The following NAV2 variants were observed in gnomAD, a reference collection of about 807,000 sequenced individuals.
NAV2 encodes the protein neuron navigator 2, also known as helicase, APC down-regulated 1.
In NAV2, 54 loss-of-function variants were observed where a neutral mutation model predicts 223.2. The observed-to-expected ratio is 0.24, with a 90% CI of 0.19 to 0.30. The LOEUF is 0.30. Ranked by LOEUF, NAV2 falls within the 10% of genes least tolerant of loss-of-function variation. The pLI, the probability that NAV2 is intolerant of heterozygous loss-of-function variation, is 1.00. For synonymous variants in NAV2, 1,279 were observed against 1,239.3 expected (o/e 1.03, Z -0.67); for missense variants, 2,806 against 3,147.5 (o/e 0.89, Z 2.60).
chr11:19,664,077 C>T (rs187608591), intron 1 of NAV2, among the ~76,000 whole-genome samples: 2 of 152,340 alleles, frequency 1.3e-5, no homozygotes, highest in East Asian at 1.9e-4. Flanking sequence ...TTTCTTCCCT[C>T]TCAAAGGGTG....
In NAV2 at chr11:19,712,858, C is replaced by A. The variant is rs1365304413; in HGVS notation, c.-838C>A. On this transcript the variant is annotated 5_prime_UTR_variant, in exon 1 of 38. Coordinates refer to ENST00000349880, the MANE Select transcript of NAV2 (RefSeq NM_145117.5). ...GCCTGTCCTCCCCTGCGCTGAGCCC[C>A]GCAGCCAGCGCAGCCTTCCCGGGAA... 1.3e-4 allele frequency among the ~76,000 whole-genome samples: 20 copies of A among 151,136 alleles called. No individual in the cohort carries two copies. Among genetic ancestry groups the A allele is most frequent in the Admixed American group, 1.3e-3 (20 of 15,148 alleles).
intron 1 of NAV2, among the ~76,000 whole-genome samples, chr11:19,459,206 CG>C (rs1192301116): frequency 6.6e-6 from 1 of 152,020 alleles, no homozygotes; most frequent in Non-Finnish European, 1.5e-5. Context: ...TTGAATTGAC[CG>C]GGGGTAGCTG....
rs139612023 is a variant in NAV2, at chr11:19,803,588, G to A, written c.268-28896G>A. 9.3e-3 allele frequency among the ~76,000 whole-genome samples: 1,410 copies of A among 152,352 alleles called. 10 individuals carry two copies. The highest frequency in any genetic ancestry group is 0.013 in the African/African-American group (530 of 41,582). ...TCCCTGCCTCAAAGGATATTGTGAG[G>A]CTTCATTGAGATGCTGCATATAATT... is the stretch of plus-strand genomic sequence containing the variant. On this transcript the variant is annotated intron_variant, in intron 1 of 37. Coordinates refer to ENST00000349880, the MANE Select transcript of NAV2 (RefSeq NM_145117.5).
At chr11:19,350,160 C>T (rs1228556793), upstream of NAV2, among the ~76,000 whole-genome samples, 8 of 152,108 alleles carry the variant, frequency 5.3e-5, no homozygotes, top group Admixed American at 2.6e-4. Flanking sequence ...TTTCCAGCTC[C>T]GGTGTGCTTA....
At chr11:20,050,412 T>C (rs948931378) in intron 16 of NAV2, among the ~76,000 whole-genome samples, 1 of 152,100 alleles carries the variant, frequency 6.6e-6, no homozygotes, top group Non-Finnish European at 1.5e-5. Context: ...TTTCCTGCGA[T>C]GATAATGAAA....
chr11:19,803,965 G>A (rs2058411826), intron 1 of NAV2, among the ~76,000 whole-genome samples: 1 of 152,208 alleles, frequency 6.6e-6, no homozygotes, highest in Non-Finnish European at 1.5e-5. Context: ...AAGGGGTGTG[G>A]CTAGGATTAA....
chr11:19,710,224 A>T (rs1367352182), upstream of NAV2, among the ~76,000 whole-genome samples: 1 of 152,182 alleles, frequency 6.6e-6, no homozygotes, highest in Non-Finnish European at 1.5e-5. Flanking sequence ...GCACTCTGAG[A>T]TCCTTTTCAG....
At chr11:19,920,197 C>G (rs1565560739) in intron 6 of NAV2, among the ~76,000 whole-genome samples, 1 of 152,200 alleles carries the variant, frequency 6.6e-6, no homozygotes. Context: ...TTAGCCATGA[C>G]TTGGGCAAGT....
intron 3 of NAV2, among the ~76,000 whole-genome samples, chr11:19,858,584 T>C (rs2061515158): frequency 6.6e-6 from 1 of 152,230 alleles, no homozygotes; most frequent in African/African-American, 2.4e-5. Context: ...ATGGGAGTTC[T>C]TATGGTAGTT....
chr11:19,649,067 A>G (rs7943426), intron 1 of NAV2, among the ~76,000 whole-genome samples: 2,605 of 152,294 alleles, frequency 0.017, 68 homozygotes, highest in African/African-American at 0.06. Flanking sequence ...ATAGTATTCT[A>G]TCATGTGTAC....
chr11:20,065,744 C>T (rs949832285), intron 20 of NAV2, among the ~76,000 whole-genome samples: 17 of 152,178 alleles, frequency 1.1e-4, no homozygotes, highest in African/African-American at 3.6e-4. Flanking sequence ...TAGGGCCTGT[C>T]GATAGAAGTG....
At chr11:19,920,480 G>T (rs981412034) in intron 6 of NAV2, among the ~76,000 whole-genome samples, 3 of 151,948 alleles carry the variant, frequency 2.0e-5, no homozygotes, top group South Asian at 4.2e-4. Flanking sequence ...GTCAGGACGG[G>T]GTTTCACCAT....
At chr11:20,080,008 G>A in intron 24 of NAV2, 56 bp from the exon 25 acceptor site, 2 of 1,593,006 alleles carry the variant, frequency 1.3e-6, no homozygotes, top group East Asian at 2.2e-5. Flanking sequence ...AAAATCCTGA[G>A]ATAAAGAATA....
At chr11:19,369,713 C>T (rs909357668) in intron 1 of NAV2, among the ~76,000 whole-genome samples, 3 of 152,116 alleles carry the variant, frequency 2.0e-5, no homozygotes, top group South Asian at 4.2e-4. Context: ...CATTTCCTTA[C>T]CCCAGCATAC....
chr11:19,941,988 C>T (rs1280191490), intron 8 of NAV2, among the ~76,000 whole-genome samples: 1 of 152,130 alleles, frequency 6.6e-6, no homozygotes, highest in Non-Finnish European at 1.5e-5. Flanking sequence ...CTTTGATATC[C>T]TCCAAGCTCA....
intron 1 of NAV2, among the ~76,000 whole-genome samples, chr11:19,793,288 A>C (rs1464851763): frequency 6.6e-6 from 1 of 151,752 alleles, no homozygotes; most frequent in Admixed American, 6.6e-5. Flanking sequence ...GTCTCAGTGC[A>C]TGTATCACAA....
chr11:19,433,644 C>A (rs1851112303), intron 1 of NAV2, among the ~76,000 whole-genome samples: 1 of 152,222 alleles, frequency 6.6e-6, no homozygotes, highest in South Asian at 2.1e-4. Flanking sequence ...ATTTTGTGAG[C>A]CAGCAACAGG....
chr11:19,480,427 G>A (rs550840259), intron 1 of NAV2, among the ~76,000 whole-genome samples: 1 of 152,294 alleles, frequency 6.6e-6, no homozygotes, highest in African/African-American at 2.4e-5. Flanking sequence ...GCTTCTCAAG[G>A]TGGTGCTGGA....
intron 4 of NAV2, among the ~76,000 whole-genome samples, chr11:19,872,548 C>G (rs78474156): frequency 2.6e-5 from 4 of 152,230 alleles, no homozygotes; most frequent in East Asian, 1.9e-4. Context: ...TTTTTGTTCT[C>G]CTTTTGAAGA....
Sources: allele counts gnomAD v4.1 joint callset (sites outside exome capture counted in the v4.1 genomes callset), GRCh38; gene constraint gnomAD v4.1.1; transcripts MANE v1.5; gene names NCBI Gene and HGNC (gene_info 2026-07-23, HGNC 2026-07-21).